The following MATCAP1 variants were observed in gnomAD, a reference collection of about 807,000 sequenced individuals.
The protein encoded by MATCAP1 is microtubule associated tyrosine carboxypeptidase 1.
the MATCAP1 span, chr16:67,180,339 C>T: frequency 3.7e-6 from 6 of 1,612,252 alleles, no homozygotes; most frequent in South Asian, 1.1e-5. Flanking sequence ...ACGCCCCCGC[C>T]GGCCAGTACT....
At chr16:67,176,609 G>A in the MATCAP1 span, 2 of 448,178 alleles carry the variant, frequency 4.5e-6, no homozygotes, top group Non-Finnish European at 3.9e-6. The surrounding 1 kb of genome is among the most constrained non-coding windows in gnomAD (Gnocchi z 4.3). Flanking sequence ...CAGACATGCT[G>A]CTGCAGGTCC....
At chr16:67,179,306 C>T in the MATCAP1 span, 1 of 1,501,294 alleles carries the variant, frequency 6.7e-7, no homozygotes, top group Non-Finnish European at 8.8e-7. This position sits in a 1 kb window ranked among gnomAD's most constrained non-coding sequence, Gnocchi z 5.2. Context: ...AAGGGAAAGC[C>T]CCGACCTCAG....
the MATCAP1 span, chr16:67,178,306 G>A: frequency 4.4e-6 from 7 of 1,582,572 alleles, no homozygotes; most frequent in Non-Finnish European, 6.0e-6. Flanking sequence ...CTGACGGAAG[G>A]ACATGCGCGC....
chr16:67,176,756 A>AG, the MATCAP1 span: 1 of 1,461,034 alleles, frequency 6.8e-7, no homozygotes, highest in African/African-American at 1.5e-5. The surrounding 1 kb of genome is among the most constrained non-coding windows in gnomAD (Gnocchi z 4.3). Flanking sequence ...TTCATGTTCT[A>AG]GGGGCCTATC....
At chr16:67,178,424 G>GCCGCAGCCCGTA in the MATCAP1 span, 1 of 1,539,792 alleles carries the variant, frequency 6.5e-7, no homozygotes, top group Non-Finnish European at 8.7e-7. Context: ...GGGTTCGCCG[G>GCCGCAGCCCGTA]CCGCAGCCCG....
At chr16:67,179,582 G>A in the MATCAP1 span, 2 of 1,604,074 alleles carry the variant, frequency 1.2e-6, no homozygotes, top group South Asian at 1.1e-5. This position sits in a 1 kb window ranked among gnomAD's most constrained non-coding sequence, Gnocchi z 5.2. Flanking sequence ...GCAGTGCTCT[G>A]AGCCATGGCC....
the MATCAP1 span, chr16:67,183,937 C>T: frequency 2.6e-5 from 5 of 194,432 alleles, no homozygotes; most frequent in Non-Finnish European, 4.2e-5. Flanking sequence ...GACGCCCAGC[C>T]GGCGGGAGCC....
the MATCAP1 span, among the ~76,000 whole-genome samples, chr16:67,180,921 C>T: frequency 6.6e-6 from 1 of 152,132 alleles, no homozygotes; most frequent in African/African-American, 2.4e-5. Context: ...GAGTGCAGTG[C>T]AATGATCATA....
chr16:67,178,335 G>A, the MATCAP1 span: 102 of 1,580,546 alleles, frequency 6.5e-5, no homozygotes, highest in Admixed American at 1.6e-4. Context: ...GGATGGTGTA[G>A]TAGAGCAGTG....
chr16:67,178,542 C>A, the MATCAP1 span: 1 of 1,498,344 alleles, frequency 6.7e-7, no homozygotes, highest in South Asian at 1.2e-5. Context: ...CTGGGCGGGG[C>A]GTTCGGGGAC....
At chr16:67,178,595 G>C in the MATCAP1 span, 6 of 1,165,920 alleles carry the variant, frequency 5.1e-6, no homozygotes, top group Non-Finnish European at 7.4e-6. Flanking sequence ...TCTGGCCGGG[G>C]CTCTGGCCGC....
At chr16:67,178,086 A>G in the MATCAP1 span, 3 of 1,613,916 alleles carry the variant, frequency 1.9e-6, no homozygotes, top group Non-Finnish European at 2.5e-6. Context: ...GTCCAGGTAC[A>G]CCTGGTCCTT....
the MATCAP1 span, chr16:67,176,610 C>CA: frequency 2.2e-6 from 1 of 449,682 alleles, no homozygotes; most frequent in Non-Finnish European, 3.8e-6. The surrounding 1 kb of genome is among the most constrained non-coding windows in gnomAD (Gnocchi z 4.3). Flanking sequence ...AGACATGCTG[C>CA]TGCAGGTCCC....
At chr16:67,176,977 T>A in the MATCAP1 span, 1 of 1,538,702 alleles carries the variant, frequency 6.5e-7, no homozygotes, top group East Asian at 2.4e-5. The surrounding 1 kb of genome is among the most constrained non-coding windows in gnomAD (Gnocchi z 4.3). Context: ...ATAGGACACC[T>A]GCAGGAGGAA....
chr16:67,179,201 C>T, the MATCAP1 span: 6 of 1,361,250 alleles, frequency 4.4e-6, no homozygotes, highest in African/African-American at 7.4e-5. This position sits in a 1 kb window ranked among gnomAD's most constrained non-coding sequence, Gnocchi z 5.2. Context: ...GAAAAATATA[C>T]CCGAAAGGAC....
At chr16:67,183,557 T>G in the MATCAP1 span, 5 of 152,214 alleles carry the variant, frequency 3.3e-5, no homozygotes, top group Non-Finnish European at 7.3e-5. Flanking sequence ...CAGCACTGGG[T>G]GCATAATGAA....
chr16:67,178,875 T>C, the MATCAP1 span: 1 of 500,044 alleles, frequency 2.0e-6, no homozygotes, highest in Non-Finnish European at 3.8e-6. Flanking sequence ...CCATATCATC[T>C]TGAACAGTCA....
At chr16:67,179,028 G>T in the MATCAP1 span, 1 of 993,396 alleles carries the variant, frequency 1.0e-6, no homozygotes, top group Non-Finnish European at 1.3e-6. The surrounding 1 kb of genome is among the most constrained non-coding windows in gnomAD (Gnocchi z 5.2). Context: ...GGTGCCATGT[G>T]TCCTCAAGTC....
the MATCAP1 span, chr16:67,176,968 T>C: frequency 5.8e-6 from 9 of 1,554,042 alleles, no homozygotes; most frequent in Admixed American, 1.9e-5. The surrounding 1 kb of genome is among the most constrained non-coding windows in gnomAD (Gnocchi z 4.3). Flanking sequence ...CACATCCTCA[T>C]AGGACACCTG....
Sources: allele counts gnomAD v4.1 joint callset (sites outside exome capture counted in the v4.1 genomes callset), GRCh38; gene constraint gnomAD v4.1.1; non-coding constraint Gnocchi (gnomAD v3.1); transcripts MANE v1.5; gene names NCBI Gene and HGNC (gene_info 2026-07-23, HGNC 2026-07-21).